CSMD1: variants seen among roughly 807,000 people sequenced by gnomAD.
CSMD1 encodes the protein CUB and Sushi multiple domains 1, also known as CUB and sushi domain-containing protein 1.
A neutral mutation model predicts 417.5 loss-of-function variants in CSMD1; 213 were observed. That is an observed-to-expected ratio of 0.51 (90% CI 0.46 to 0.57). The LOEUF (loss-of-function observed/expected upper bound fraction) is 0.57, where lower values mean the gene tolerates loss of function less well. Among genes scored for constraint, CSMD1 ranks in the 20% least tolerant of loss-of-function variants. The pLI, the probability that CSMD1 is intolerant of heterozygous loss-of-function variation, is 0.00. For synonymous variants in CSMD1, 2,862 were observed against 1,736.8 expected, an observed-to-expected ratio of 1.65 and a Z score of -16.11; for missense variants, 6,923 against 4,529.7, an observed-to-expected ratio of 1.53 and a Z score of -15.17.
At chr8:3,324,232 G>T (rs1326523465) in intron 23 of CSMD1, among the ~76,000 whole-genome samples, 1 of 142,594 alleles carries the variant, frequency 7.0e-6, no homozygotes, top group Non-Finnish European at 1.5e-5. Flanking sequence ...CAGAGACCCG[G>T]GAGGGGGAGT....
intron 5 of CSMD1, among the ~76,000 whole-genome samples, chr8:3,812,967 G>C (rs1229845529): frequency 3.3e-5 from 5 of 152,120 alleles, no homozygotes; most frequent in Non-Finnish European, 5.9e-5. Context: ...GGAACAGGCA[G>C]TGCAATTTCT....
chr8:4,872,256 G>C (rs867535821), intron 1 of CSMD1, among the ~76,000 whole-genome samples: 6 of 152,044 alleles, frequency 3.9e-5, no homozygotes, highest in Middle Eastern at 3.2e-3. Context: ...TTCTCTGTGT[G>C]TGTTTTTGCA....
At chr8:3,677,566 G>A (rs529224061) in intron 7 of CSMD1, among the ~76,000 whole-genome samples, 1 of 152,242 alleles carries the variant, frequency 6.6e-6, no homozygotes, top group East Asian at 1.9e-4. Flanking sequence ...GAAGGGTTTG[G>A]AGATGTCTTA....
intron 1 of CSMD1, among the ~76,000 whole-genome samples, chr8:4,881,890 G>A (rs1018834215): frequency 2.6e-5 from 4 of 152,054 alleles, no homozygotes; most frequent in African/African-American, 9.7e-5. Flanking sequence ...ATGAGGCAGG[G>A]GAAAAACATT....
intron 1 of CSMD1, among the ~76,000 whole-genome samples, chr8:4,896,080 CCT>C (rs1489619921): frequency 6.6e-6 from 1 of 152,072 alleles, no homozygotes; most frequent in Non-Finnish European, 1.5e-5. Flanking sequence ...TAGAGGCCTT[CCT>C]CTGTCTGAAA....
At chr8:4,784,021 T>C (rs1797283166) in intron 1 of CSMD1, among the ~76,000 whole-genome samples, 1 of 152,152 alleles carries the variant, frequency 6.6e-6, no homozygotes, top group Non-Finnish European at 1.5e-5. Context: ...AAATTATGGA[T>C]AAAAAAAGTG....
intron 7 of CSMD1, among the ~76,000 whole-genome samples, chr8:3,688,048 A>C (rs1461462626): frequency 6.6e-6 from 1 of 152,206 alleles, no homozygotes; most frequent in African/African-American, 2.4e-5. Context: ...TGCTTTGCTC[A>C]CTGCATCTGC....
chr8:4,604,920 G>T (rs117117164), intron 2 of CSMD1, among the ~76,000 whole-genome samples: 2 of 152,112 alleles, frequency 1.3e-5, no homozygotes, highest in Non-Finnish European at 2.9e-5. Flanking sequence ...TCATGCTTGC[G>T]CATGTCAGAT....
At chr8:4,930,004 A>G (rs78832872) in intron 1 of CSMD1, among the ~76,000 whole-genome samples, 2,646 of 152,300 alleles carry the variant, frequency 0.017, 26 homozygotes, top group Middle Eastern at 0.031. Context: ...CACGTTAAGC[A>G]CTGATGAGGT....
At chr8:3,179,169 T>A (rs1003092946) in intron 37 of CSMD1, among the ~76,000 whole-genome samples, 3 of 151,504 alleles carry the variant, frequency 2.0e-5, no homozygotes, top group Admixed American at 2.0e-4. Flanking sequence ...ACTGTCTCGA[T>A]CTCCTGACCT....
intron 12 of CSMD1, among the ~76,000 whole-genome samples, chr8:3,441,761 T>C (rs921805939): frequency 6.6e-6 from 1 of 152,116 alleles, no homozygotes; most frequent in Admixed American, 6.6e-5. Flanking sequence ...CACTTGATAA[T>C]AATAAGTGAC....
Position 3,807,287 on chromosome 8 carries a change from C to G in CSMD1, c.819-53245G>C, listed in dbSNP as rs1010473432. Among the ~76,000 whole-genome samples, 9 of 152,124 alleles carry G rather than the reference C, an allele frequency of 5.9e-5. No homozygotes were observed. In the East Asian group the frequency reaches 1.7e-3, roughly 29 times the overall value. On this transcript the variant is annotated intron_variant, in intron 5 of 69. Transcript: ENST00000635120. Reference sequence around the variant, plus strand: ...CAACAGAAACTTAAGCAACCTATACCGCATGCCAGCAAAATAAAATACAGT... The same window carrying G: ...CAACAGAAACTTAAGCAACCTATACGGCATGCCAGCAAAATAAAATACAGT...
At chr8:4,522,128 T>G (rs1305662110) in intron 2 of CSMD1, among the ~76,000 whole-genome samples, 1 of 152,098 alleles carries the variant, frequency 6.6e-6, no homozygotes, top group Non-Finnish European at 1.5e-5. Flanking sequence ...GGGGAGGTGA[T>G]TGAACTATGG....
At chr8:4,773,430 G>T (rs1376531042) in intron 1 of CSMD1, among the ~76,000 whole-genome samples, 1 of 152,068 alleles carries the variant, frequency 6.6e-6, no homozygotes, top group Non-Finnish European at 1.5e-5. Context: ...CTAACGTATC[G>T]CTGTTTGGGG....
chr8:4,303,686 T>C (rs1431712980), intron 3 of CSMD1, among the ~76,000 whole-genome samples: 1 of 151,996 alleles, frequency 6.6e-6, no homozygotes, highest in Non-Finnish European at 1.5e-5. Context: ...GATGTAGTCT[T>C]GCTCTCTTGC....
At chr8:4,096,975 T>C (rs988058820) in intron 3 of CSMD1, among the ~76,000 whole-genome samples, 1 of 152,152 alleles carries the variant, frequency 6.6e-6, no homozygotes, top group Non-Finnish European at 1.5e-5. Context: ...AGTGAGTAAA[T>C]TCAAAGGGAT....
At chr8:3,952,093 T>C (rs749420030) in intron 5 of CSMD1, among the ~76,000 whole-genome samples, 4 of 152,180 alleles carry the variant, frequency 2.6e-5, no homozygotes, top group Non-Finnish European at 4.4e-5. Flanking sequence ...TAAAAATCTT[T>C]AAATTTCCGA....
chr8:3,726,589 T>A (rs756564359), intron 6 of CSMD1, among the ~76,000 whole-genome samples: 2 of 152,194 alleles, frequency 1.3e-5, no homozygotes, highest in Non-Finnish European at 2.9e-5. Context: ...GAAATCTGGA[T>A]ATTCATGTGA....
At chr8:4,155,115 C>A (rs1002979957) in intron 3 of CSMD1, among the ~76,000 whole-genome samples, 1 of 152,138 alleles carries the variant, frequency 6.6e-6, no homozygotes, top group Non-Finnish European at 1.5e-5. Flanking sequence ...CCACATGACG[C>A]GCATGCACTA....
Sources: gnomAD v4.1 joint callset for allele counts (sites outside exome capture counted in the v4.1 genomes callset) on GRCh38, gnomAD v4.1.1 for gene constraint, MANE v1.5 for transcripts, NCBI Gene and HGNC (gene_info 2026-07-23, HGNC 2026-07-21) for gene names.